Variants in TAFA1 observed in about 807,000 individuals in gnomAD.
TAFA1 encodes the protein chemokine-like protein TAFA-1.
A neutral mutation model predicts 18.5 loss-of-function variants in TAFA1; 4 were observed. The observed-to-expected ratio is 0.22, with a 90% CI of 0.11 to 0.49. TAFA1 has a LOEUF of 0.49. TAFA1 is among the 20% of genes least tolerant of loss of function. TAFA1 has a pLI of 0.98. For synonymous variants in TAFA1, 56 were observed against 55.2 expected, an observed-to-expected ratio of 1.01 and a Z score of -0.06; for missense variants, 147 against 169.0, an observed-to-expected ratio of 0.87 and a Z score of 0.72.
intron 2 of TAFA1, among the ~76,000 whole-genome samples, chr3:68,334,041 T>C (rs2068927292): frequency 6.6e-6 from 1 of 152,114 alleles, no homozygotes. Flanking sequence ...GTACAAAACT[T>C]TCAGTTATAA....
intron 2 of TAFA1, among the ~76,000 whole-genome samples, chr3:68,068,869 G>C (rs1685034713): frequency 6.6e-6 from 1 of 152,134 alleles, no homozygotes; most frequent in Non-Finnish European, 1.5e-5. Context: ...AGAATTTGCG[G>C]ACTAAGTCCC....
chr3:68,510,411 A>T (rs1199260879), intron 3 of TAFA1, among the ~76,000 whole-genome samples: 2 of 152,080 alleles, frequency 1.3e-5, no homozygotes, highest in African/African-American at 4.8e-5. Context: ...AGGCCCAATC[A>T]TACCATCTTG....
intron 2 of TAFA1, among the ~76,000 whole-genome samples, chr3:68,081,131 A>T (rs1226458089): frequency 6.6e-6 from 1 of 151,892 alleles, no homozygotes. Context: ...TGCATTCTTC[A>T]CGTAGTTCTC....
intron 2 of TAFA1, among the ~76,000 whole-genome samples, chr3:68,069,903 T>G (rs947508541): frequency 3.9e-5 from 6 of 152,190 alleles, no homozygotes; most frequent in Non-Finnish European, 8.8e-5. Flanking sequence ...TGGGTTCCCA[T>G]GGTCTTGGGC....
intron 2 of TAFA1, among the ~76,000 whole-genome samples, chr3:68,031,791 A>G (rs1016639844): frequency 6.6e-6 from 1 of 152,218 alleles, no homozygotes; most frequent in Non-Finnish European, 1.5e-5. Flanking sequence ...TCAGAAGGTT[A>G]GATTGGATGA....
intron 2 of TAFA1, among the ~76,000 whole-genome samples, chr3:68,190,864 C>T (rs932068713): frequency 6.6e-6 from 1 of 151,800 alleles, no homozygotes; most frequent in East Asian, 2.0e-4. Flanking sequence ...ATGTGAACTT[C>T]CAATGAGACT....
intron 2 of TAFA1, among the ~76,000 whole-genome samples, chr3:68,056,786 A>G (rs772323243): frequency 1.3e-5 from 2 of 152,158 alleles, no homozygotes; most frequent in African/African-American, 2.4e-5. Flanking sequence ...CACGAATAGT[A>G]TGGTTTGATT....
At chr3:68,447,364 C>T (rs904541766) in intron 3 of TAFA1, among the ~76,000 whole-genome samples, 1 of 152,124 alleles carries the variant, frequency 6.6e-6, no homozygotes, top group Non-Finnish European at 1.5e-5. Context: ...GTCTAAAAAC[C>T]AAACTGTTGG....
chr3:68,381,287 T>A (rs1191358061), intron 2 of TAFA1, among the ~76,000 whole-genome samples: 1 of 151,474 alleles, frequency 6.6e-6, no homozygotes, highest in African/African-American at 2.4e-5. Context: ...TTTAAAGTAG[T>A]TTTTTCCAAT....
At chr3:68,389,898 C>T (rs933036974) in intron 2 of TAFA1, among the ~76,000 whole-genome samples, 1 of 152,170 alleles carries the variant, frequency 6.6e-6, no homozygotes, top group African/African-American at 2.4e-5. Flanking sequence ...CCTACACCAC[C>T]AGGGCCCTGG....
intron 2 of TAFA1, among the ~76,000 whole-genome samples, chr3:68,017,139 A>G (rs1235300118): frequency 6.6e-6 from 1 of 152,234 alleles, no homozygotes; most frequent in African/African-American, 2.4e-5. Flanking sequence ...ATTGTGAAAT[A>G]AAATGATAAG....
At chr3:68,433,577 G>T (rs2071218064) in intron 3 of TAFA1, among the ~76,000 whole-genome samples, 1 of 152,100 alleles carries the variant, frequency 6.6e-6, no homozygotes, top group African/African-American at 2.4e-5. Flanking sequence ...GTTCACAGCT[G>T]CATGCCAGTG....
intron 2 of TAFA1, among the ~76,000 whole-genome samples, chr3:68,011,876 T>A (rs1481128018): frequency 6.6e-6 from 1 of 152,212 alleles, no homozygotes; most frequent in Admixed American, 6.5e-5. Context: ...CAAATACAGA[T>A]GCAAATAAAT....
intron 2 of TAFA1, among the ~76,000 whole-genome samples, chr3:68,111,593 AG>A (rs1575621881): frequency 6.6e-6 from 1 of 152,236 alleles, no homozygotes; most frequent in East Asian, 1.9e-4. Flanking sequence ...ATTGTGCAAA[AG>A]TGTTCTAAGT....
chr3:68,327,387 T>C (rs765663909), intron 2 of TAFA1, among the ~76,000 whole-genome samples: 4 of 152,122 alleles, frequency 2.6e-5, no homozygotes, highest in Admixed American at 2.0e-4. Flanking sequence ...AATGTATTTG[T>C]AAGAAATACA....
At chr3:68,072,319 G>A (rs537251074) in intron 2 of TAFA1, among the ~76,000 whole-genome samples, 4 of 152,284 alleles carry the variant, frequency 2.6e-5, no homozygotes, top group African/African-American at 9.6e-5. Flanking sequence ...TGAAGTACGG[G>A]AAGTGAGGTT....
At chr3:68,279,056 T>A (rs1442183133) in intron 2 of TAFA1, among the ~76,000 whole-genome samples, 1 of 152,136 alleles carries the variant, frequency 6.6e-6, no homozygotes, top group African/African-American at 2.4e-5. Context: ...AATTTGAGTA[T>A]CAGGTCCTCA....
intron 2 of TAFA1, among the ~76,000 whole-genome samples, chr3:68,144,637 A>C (rs1193300509): frequency 2.0e-5 from 3 of 152,220 alleles, no homozygotes; most frequent in Non-Finnish European, 4.4e-5. Context: ...AAAATTAGGC[A>C]AAACTAAGAA....
intron 2 of TAFA1, among the ~76,000 whole-genome samples, chr3:68,203,156 G>A (rs1186192242): frequency 6.6e-6 from 1 of 151,728 alleles, no homozygotes; most frequent in African/African-American, 2.4e-5. Flanking sequence ...CTGAAGGGAA[G>A]TTGGTATAAT....
Sources: allele counts gnomAD v4.1 joint callset (sites outside exome capture counted in the v4.1 genomes callset), GRCh38; gene constraint gnomAD v4.1.1; transcripts MANE v1.5; gene names NCBI Gene and HGNC (gene_info 2026-07-23, HGNC 2026-07-21).